The following FGF18 variants were observed in gnomAD, a reference collection of about 807,000 sequenced individuals.
FGF18 encodes fibroblast growth factor 18.
A neutral mutation model predicts 23.0 loss-of-function variants in FGF18; 5 were observed. The observed-to-expected ratio is 0.22, with a 90% CI of 0.11 to 0.46. The LOEUF is 0.46. Among genes scored for constraint, FGF18 ranks in the 20% least tolerant of loss-of-function variants. The pLI is 0.99. For synonymous variants in FGF18, 117 were observed against 118.9 expected (o/e 0.98, Z 0.10); for missense variants, 180 against 291.6 (o/e 0.62, Z 2.79).
rs6859626 is a variant in FGF18, at chr5:171,431,780, T to A, written c.70-4313T>A. Among the ~76,000 whole-genome samples the A allele has an allele frequency of 9.9e-4, 151 of 152,246 alleles. 1 individual carries two copies. The highest frequency in any genetic ancestry group is 3.5e-3 in the African/African-American group (144 of 41,550). On this transcript the variant is annotated intron_variant, in intron 2 of 4. Transcript: ENST00000274625. ...TCTCCTTTCGAGAGTTGCAGCAGACTGGGCGCGGTGGCTCACACCTGTAAT... is the reference window on the plus strand; with the variant it reads ...TCTCCTTTCGAGAGTTGCAGCAGACAGGGCGCGGTGGCTCACACCTGTAAT...
In FGF18 at chr5:171,436,372, C is replaced by T; in HGVS notation, c.250+99C>T. On this transcript the variant is annotated intron_variant, in intron 3 of 4. Coordinates refer to ENST00000274625, the MANE Select transcript of FGF18 (RefSeq NM_003862.3). This position sits in a 1 kb window ranked among gnomAD's most constrained non-coding sequence, Gnocchi z 4.4. ...CAAATGCCAGCCTTGCTGCTCCTGG[C>T]TGTGTGATCTTGGACCTGGCACTGA... 9 of 1,033,566 alleles carry T rather than the reference C, an allele frequency of 8.7e-6. No homozygotes were observed. Among genetic ancestry groups the T allele is most frequent in the Non-Finnish European group, 1.2e-5 (9 of 757,552 alleles). 64.0% of individuals were successfully genotyped at this position (1,033,566 alleles called of 1,614,324 possible).
At position 171,457,393 on chromosome 5, in the gene FGF18, G is replaced by T. The variant is rs1156684199; in HGVS notation, c.*588G>T. ...TCGACCTCCCGACGACAGACGCCTCGTCCAATCATGGTGACCCTGCCTTGC... is the reference window on the plus strand; with the variant it reads ...TCGACCTCCCGACGACAGACGCCTCTTCCAATCATGGTGACCCTGCCTTGC... On this transcript the variant is annotated 3_prime_UTR_variant, in exon 5 of 5. Coordinates refer to ENST00000274625, the MANE Select transcript of FGF18 (RefSeq NM_003862.3). 6.6e-6 allele frequency: 1 copy of T among 152,602 alleles called. No homozygotes were observed. The highest frequency in any genetic ancestry group is 6.5e-5 in the Admixed American group (1 of 15,362). 9.5% of individuals were successfully genotyped at this position (152,602 alleles called of 1,614,324 possible).
At position 171,434,543 on chromosome 5, in the gene FGF18, T is replaced by G. The variant is rs1012201549; in HGVS notation, c.70-1550T>G. 2.0e-5 allele frequency among the ~76,000 whole-genome samples: 3 copies of G among 152,112 alleles called. No individual in the cohort carries two copies. The highest frequency in any genetic ancestry group is 7.2e-5 in the African/African-American group (3 of 41,412). On this transcript the variant is annotated intron_variant, in intron 2 of 4. Coordinates refer to ENST00000274625, the MANE Select transcript of FGF18 (RefSeq NM_003862.3). The surrounding 1 kb of genome is among the most constrained non-coding windows in gnomAD (Gnocchi z 4.6). ...TGGGGGTCCCTTGTGCCTAGCATTGTGATAGACTTTGTGGGCACACAGGGA... is the reference window on the plus strand; with the variant it reads ...TGGGGGTCCCTTGTGCCTAGCATTGGGATAGACTTTGTGGGCACACAGGGA...
chr5:171,444,854 C>T (rs866144436), intron 3 of FGF18, among the ~76,000 whole-genome samples: 5 of 152,224 alleles, frequency 3.3e-5, no homozygotes, highest in Admixed American at 6.5e-5. Context: ...TTACTGGTCG[C>T]TCACTCTGAG....
rs931755075 is a variant in FGF18, at chr5:171,436,282, C to A, written c.250+9C>A. ...GGATGGGGACAAGTATGGTATGTGC[C>A]AACCCTCTCCTCCTACTCCGTGTAC... On this transcript the variant is annotated intron_variant, in intron 3 of 4. Coordinates refer to ENST00000274625, the MANE Select transcript of FGF18 (RefSeq NM_003862.3). The surrounding 1 kb of genome is among the most constrained non-coding windows in gnomAD (Gnocchi z 4.4). The A allele has an allele frequency of 6.5e-7, 1 of 1,545,466 alleles. No homozygotes were observed. The highest frequency in any genetic ancestry group is 8.8e-7 in the Non-Finnish European group (1 of 1,141,128).
rs142969271 is a variant in FGF18 at position 171,440,477 on chromosome 5, C to A, written c.250+4204C>A. On this transcript the variant is annotated intron_variant, in intron 3 of 4. Transcript: ENST00000274625. The surrounding 1 kb of genome is among the most constrained non-coding windows in gnomAD (Gnocchi z 4.0). Reference sequence around the variant, plus strand: ...TCCCCTCAGTCCCTTATTCATTCAACGTAAATTACCAAGCCCAAGCACCAG... The same window carrying A: ...TCCCCTCAGTCCCTTATTCATTCAAAGTAAATTACCAAGCCCAAGCACCAG... 2.6e-5 allele frequency among the ~76,000 whole-genome samples: 4 copies of A among 152,072 alleles called. No individual in the cohort carries two copies. The highest frequency in any genetic ancestry group is 5.9e-5 in the Non-Finnish European group (4 of 68,014).
In FGF18 at chr5:171,456,984, G is replaced by T; in HGVS notation, c.*179G>T. ...GGGGAGGGGTGATAAGGATTTTATT[G>T]TTGACTTGAAACCCCCGATGACAAA... On this transcript the variant is annotated 3_prime_UTR_variant, in exon 5 of 5. Transcript: ENST00000274625. This position sits in a 1 kb window ranked among gnomAD's most constrained non-coding sequence, Gnocchi z 6.1. 2.5e-6 allele frequency: 2 copies of T among 788,388 alleles called. No individual in the cohort carries two copies. Among genetic ancestry groups the T allele is most frequent in the Non-Finnish European group, 3.9e-6 (2 of 514,724 alleles). 48.8% of individuals were successfully genotyped at this position (788,388 alleles called of 1,614,324 possible).
chr5:171,442,198 CT>C lies in FGF18; in HGVS notation c.250+5928del, dbSNP rs1772356880. On this transcript the variant is annotated intron_variant, in intron 3 of 4. Transcript: ENST00000274625. ...GAACCCTATTGGTTTTTCCCCCCAA[CT>C]TTCTGGTGTGTCCATATGGAGAAAG... Among the ~76,000 whole-genome samples, 12 of 152,310 alleles carry C rather than the reference CT, an allele frequency of 7.9e-5. 1 individual carries two copies. In the South Asian group the frequency reaches 2.5e-3, roughly 32 times the overall value.
intron 3 of FGF18, among the ~76,000 whole-genome samples, chr5:171,446,453 C>T (rs1222621082): frequency 1.3e-5 from 2 of 152,170 alleles, no homozygotes; most frequent in African/African-American, 4.8e-5. Context: ...CTGCTCTGAA[C>T]CTAAGTTTCC....
rs1390913155 is a variant in FGF18, at chr5:171,440,628, C to G, written c.250+4355C>G. The stretch of plus-strand genomic sequence containing the variant: ...AAGAACCTAGGCTGTGAACTTCCCA[C>G]GTGACTGTGAGCCCACCCATTCTCT... On this transcript the variant is annotated intron_variant, in intron 3 of 4. Coordinates refer to ENST00000274625, the MANE Select transcript of FGF18 (RefSeq NM_003862.3). This position sits in a 1 kb window ranked among gnomAD's most constrained non-coding sequence, Gnocchi z 4.0. Among the ~76,000 whole-genome samples the G allele has an allele frequency of 6.6e-6, 1 of 152,152 alleles. No homozygotes were observed. The highest frequency in any genetic ancestry group is 1.5e-5 in the Non-Finnish European group (1 of 68,018).
Position 171,436,995 on chromosome 5 carries a change from C to T in FGF18, c.250+722C>T, listed in dbSNP as rs532233738. On this transcript the variant is annotated intron_variant, in intron 3 of 4. Coordinates refer to ENST00000274625, the MANE Select transcript of FGF18 (RefSeq NM_003862.3). The surrounding 1 kb of genome is among the most constrained non-coding windows in gnomAD (Gnocchi z 4.4). ...CTAGACAGACACTGAGCAAATACCACGCAGATTATTTATTTAAAATTGCCA... is the reference window on the plus strand; with the variant it reads ...CTAGACAGACACTGAGCAAATACCATGCAGATTATTTATTTAAAATTGCCA... Among the ~76,000 whole-genome samples the T allele has an allele frequency of 2.6e-5, 4 of 152,362 alleles. No individual in the cohort carries two copies. The highest frequency in any genetic ancestry group is 2.1e-4 in the South Asian group (1 of 4,828).
chr5:171,428,578 A>G (rs1458795050), intron 2 of FGF18, among the ~76,000 whole-genome samples: 1 of 152,220 alleles, frequency 6.6e-6, no homozygotes, highest in African/African-American at 2.4e-5. Flanking sequence ...TTGCAGGCAT[A>G]TGGAACGGTG....
rs1008949524 is a variant in FGF18, at chr5:171,435,098, C to G, written c.70-995C>G. On this transcript the variant is annotated intron_variant, in intron 2 of 4. Coordinates refer to ENST00000274625, the MANE Select transcript of FGF18 (RefSeq NM_003862.3). ...GGAGTGTGTTTTGATTTTGGAATGC[C>G]CAGAGCCATGCCAAGGTGGCCAGTG... Among the ~76,000 whole-genome samples the G allele has an allele frequency of 2.6e-5, 4 of 152,142 alleles. No homozygotes were observed. The South Asian group carries it at 6.2e-4, about 24-fold the overall frequency.
At chr5:171,423,394 C>T (rs1397335430) in intron 2 of FGF18, among the ~76,000 whole-genome samples, 2 of 152,248 alleles carry the variant, frequency 1.3e-5, no homozygotes, top group Admixed American at 6.5e-5. Flanking sequence ...TGACACCGGG[C>T]TGGGCCTTTC....
intron 2 of FGF18, 30 bp downstream of exon 2, chr5:171,420,473 C>G: frequency 6.2e-7 from 1 of 1,608,724 alleles, no homozygotes; most frequent in Non-Finnish European, 8.5e-7. Flanking sequence ...TGACCTCCTC[C>G]CGCCCCTGCC....
intron 4 of FGF18, among the ~76,000 whole-genome samples, chr5:171,455,734 G>A (rs1772571391): frequency 6.6e-6 from 1 of 152,208 alleles, no homozygotes; most frequent in Non-Finnish European, 1.5e-5. Flanking sequence ...GCCTAGAAAA[G>A]GTCTCAAGGA....
chr5:171,438,647 C>G (rs80310621), intron 3 of FGF18, among the ~76,000 whole-genome samples: 1 of 152,116 alleles, frequency 6.6e-6, no homozygotes, highest in Non-Finnish European at 1.5e-5. Flanking sequence ...TCCGACCCCC[C>G]GACACCCAGG....
intron 3 of FGF18, 64 bp from the exon 4 acceptor site, chr5:171,449,083 C>T: frequency 8.2e-7 from 1 of 1,222,424 alleles, no homozygotes; most frequent in Non-Finnish European, 1.2e-6. Context: ...TGTCACTGAG[C>T]CTTTAGACCA....
chr5:171,442,139 A>G (rs1772355429), intron 3 of FGF18, among the ~76,000 whole-genome samples: 1 of 152,160 alleles, frequency 6.6e-6, no homozygotes, highest in Admixed American at 6.5e-5. Context: ...CGGCTATGCT[A>G]GAGCTACAGC....
Sources: gnomAD v4.1 joint callset for allele counts (sites outside exome capture counted in the v4.1 genomes callset) on GRCh38, gnomAD v4.1.1 for gene constraint, Gnocchi (gnomAD v3.1) non-coding constraint, MANE v1.5 for transcripts, NCBI Gene and HGNC (gene_info 2026-07-23, HGNC 2026-07-21) for gene names.